The following OSBPL10 variants were observed in gnomAD, a reference collection of about 807,000 sequenced individuals.
OSBPL10 encodes oxysterol binding protein like 10, also known as oxysterol-binding protein-related protein 10.
A neutral mutation model predicts 81.7 loss-of-function variants in OSBPL10; 49 were observed. That is an observed-to-expected ratio of 0.60 (90% CI 0.48 to 0.76). The LOEUF (loss-of-function observed/expected upper bound fraction) is 0.76, where lower values mean the gene tolerates loss of function less well. Ranked by LOEUF, OSBPL10 falls within the 30% of genes least tolerant of loss-of-function variation. The pLI is 0.00. For synonymous variants in OSBPL10, 419 were observed against 383.6 expected (o/e 1.09, Z -1.08); for missense variants, 923 against 987.8 (o/e 0.93, Z 0.88).
chr3:31,954,700 T>C (rs910061080), intron 1 of OSBPL10, among the ~76,000 whole-genome samples: 2 of 152,192 alleles, frequency 1.3e-5, no homozygotes, highest in Non-Finnish European at 1.5e-5. Flanking sequence ...TAAAAATGCA[T>C]GCAGTTGTCA....
intron 3 of OSBPL10, among the ~76,000 whole-genome samples, chr3:31,847,055 A>G (rs1347109953): frequency 2.6e-5 from 4 of 152,020 alleles, no homozygotes; most frequent in Non-Finnish European, 2.9e-5. Flanking sequence ...TCAGATTTCC[A>G]ATTATCCATA....
At chr3:32,053,496 C>T (rs2341420) in intron 1 of OSBPL10, among the ~76,000 whole-genome samples, 23,288 of 152,126 alleles carry the variant, frequency 0.15, 2,386 homozygotes, top group South Asian at 0.24. Context: ...CACTAATCTG[C>T]TCTTTTACAA....
chr3:31,814,956 C>A (rs575616144), intron 4 of OSBPL10, among the ~76,000 whole-genome samples: 1 of 152,260 alleles, frequency 6.6e-6, no homozygotes, highest in South Asian at 2.1e-4. Context: ...TTCTCTGTTC[C>A]GTAAGCCATA....
chr3:31,978,451 A>G (rs1314526784), intron 1 of OSBPL10, among the ~76,000 whole-genome samples: 2 of 152,186 alleles, frequency 1.3e-5, no homozygotes, highest in African/African-American at 4.8e-5. Flanking sequence ...CAAAGTTTCT[A>G]TTTTTATCCT....
At position 31,681,227 on chromosome 3, in the gene OSBPL10, T is replaced by C. The variant is rs540116723; in HGVS notation, c.1726+2407A>G. 3.3e-5 allele frequency among the ~76,000 whole-genome samples: 5 copies of C among 152,266 alleles called. No individual in the cohort carries two copies. In the East Asian group the frequency reaches 9.7e-4, roughly 29 times the overall value. On this transcript the variant is annotated intron_variant, in intron 8 of 11. Transcript: ENST00000396556. Reference sequence around the variant, plus strand: ...TGACGAGTGCAGCATGAGCTGCTGATTACTAGACCTGCATGCAAGGAAGAC... The same window carrying C: ...TGACGAGTGCAGCATGAGCTGCTGACTACTAGACCTGCATGCAAGGAAGAC...
chr3:31,820,591 T>C (rs1253554310), intron 4 of OSBPL10, among the ~76,000 whole-genome samples: 2 of 150,788 alleles, frequency 1.3e-5, no homozygotes, highest in East Asian at 3.9e-4. Flanking sequence ...CGAGACTCCA[T>C]CTCGGGAGAA....
chr3:31,932,972 C>T (rs995216392), intron 1 of OSBPL10, among the ~76,000 whole-genome samples: 1 of 152,058 alleles, frequency 6.6e-6, no homozygotes, highest in Non-Finnish European at 1.5e-5. Context: ...TTATATACTG[C>T]AATAAACTCA....
chr3:31,880,004 C>A (rs1695511770), intron 1 of OSBPL10, among the ~76,000 whole-genome samples, 174 bp from the exon 2 acceptor site: 1 of 152,194 alleles, frequency 6.6e-6, no homozygotes, highest in Non-Finnish European at 1.5e-5. Context: ...GGAGAGAGCA[C>A]TGGATTCTTA....
At chr3:31,872,613 A>T (rs2125623891) in intron 3 of OSBPL10, among the ~76,000 whole-genome samples, 1 of 146,860 alleles carries the variant, frequency 6.8e-6, no homozygotes, top group Admixed American at 6.8e-5. Flanking sequence ...CATGGATGAA[A>T]TTCAAAAGCT....
At chr3:32,045,487 T>C (rs1464538573) in intron 2 of OSBPL10, among the ~76,000 whole-genome samples, 1 of 152,212 alleles carries the variant, frequency 6.6e-6, no homozygotes, top group African/African-American at 2.4e-5. Context: ...GAAAGCTTTG[T>C]GTACACGGTG....
At chr3:31,753,982 C>T (rs930334578) in intron 4 of OSBPL10, among the ~76,000 whole-genome samples, 2 of 152,108 alleles carry the variant, frequency 1.3e-5, no homozygotes, top group African/African-American at 4.8e-5. Context: ...AATCCACAAC[C>T]CCCTTCTCCA....
At chr3:31,807,407 T>C (rs985732519) in intron 4 of OSBPL10, among the ~76,000 whole-genome samples, 1 of 102,344 alleles carries the variant, frequency 9.8e-6, no homozygotes, top group African/African-American at 3.7e-5. Context: ...ATAAATAAGA[T>C]TCACTCTGCA....
At chr3:31,713,296 A>G (rs556513379) in intron 6 of OSBPL10, among the ~76,000 whole-genome samples, 1 of 152,092 alleles carries the variant, frequency 6.6e-6, no homozygotes, top group Non-Finnish European at 1.5e-5. Flanking sequence ...TGGAACACGC[A>G]AAGGACAGGC....
At chr3:31,965,242 C>CAGGT (rs1446403351) in intron 1 of OSBPL10, among the ~76,000 whole-genome samples, 1 of 150,312 alleles carries the variant, frequency 6.7e-6, no homozygotes. Context: ...TGGTGGTGGG[C>CAGGT]ACCTGTAGTC....
intron 6 of OSBPL10, chr3:31,708,964 C>A (rs1040588627): frequency 2.0e-6 from 2 of 985,336 alleles, no homozygotes; most frequent in African/African-American, 3.5e-5. Flanking sequence ...CTCCTGCACA[C>A]GTACTATCCT....
chr3:31,789,091 G>A (rs1698940850), intron 4 of OSBPL10, among the ~76,000 whole-genome samples: 1 of 152,024 alleles, frequency 6.6e-6, no homozygotes, highest in Non-Finnish European at 1.5e-5. Context: ...AGATTCTCCT[G>A]CCTCAACCTC....
chr3:31,804,914 G>A (rs56162488), intron 4 of OSBPL10, among the ~76,000 whole-genome samples: 2,167 of 152,190 alleles, frequency 0.014, 26 homozygotes, highest in Non-Finnish European at 0.02. Flanking sequence ...TGTCTGTTTG[G>A]TGGGAATGAT....
At chr3:31,730,157 A>C (rs936925749) in intron 6 of OSBPL10, among the ~76,000 whole-genome samples, 1 of 152,184 alleles carries the variant, frequency 6.6e-6, no homozygotes, top group Non-Finnish European at 1.5e-5. Context: ...GCTGACCAAC[A>C]TGGTGAAACC....
At chr3:31,889,808 C>A (rs1695842619) in intron 1 of OSBPL10, among the ~76,000 whole-genome samples, 1 of 152,002 alleles carries the variant, frequency 6.6e-6, no homozygotes, top group South Asian at 2.1e-4. Flanking sequence ...ATTGCATGTT[C>A]CCAGCACAAA....
Sources: allele counts gnomAD v4.1 joint callset (sites outside exome capture counted in the v4.1 genomes callset), GRCh38; gene constraint gnomAD v4.1.1; transcripts MANE v1.5; gene names NCBI Gene and HGNC (gene_info 2026-07-23, HGNC 2026-07-21).